UBXN2B: variants seen among roughly 807,000 people sequenced by gnomAD.
UBXN2B encodes the protein UBX domain-containing protein 2B.
Under a neutral mutation model 37.5 loss-of-function variants are expected in UBXN2B, and 19 were observed. That is an observed-to-expected ratio of 0.51 (90% CI 0.35 to 0.74). UBXN2B has a LOEUF of 0.74. Among genes scored for constraint, UBXN2B ranks in the 30% least tolerant of loss-of-function variants. UBXN2B has a pLI of 0.01. For missense variants in UBXN2B, 370 were observed against 393.2 expected (o/e 0.94, Z 0.50); for synonymous variants, 145 against 143.8 (o/e 1.01, Z -0.06).
intron 6 of UBXN2B, among the ~76,000 whole-genome samples, chr8:58,442,687 A>G (rs906463515): frequency 6.6e-6 from 1 of 152,270 alleles, no homozygotes; most frequent in African/African-American, 2.4e-5. Flanking sequence ...AAACTGTATT[A>G]TTGAGTAAAA....
At chr8:58,427,910 A>T (rs1483777979) in intron 2 of UBXN2B, among the ~76,000 whole-genome samples, 3 of 152,200 alleles carry the variant, frequency 2.0e-5, no homozygotes, top group South Asian at 4.1e-4. Context: ...GAGGAAGAAA[A>T]CTCAGTAAAA....
rs1585593519 is a variant in UBXN2B, at chr8:58,416,910, C to A, written c.145C>A (p.Pro49Thr). The change falls in exon 2 of 8, where the codon CCT (proline) becomes ACT (threonine). Residue 49 changes from proline (P) to threonine (T), a missense_variant. Pro to Thr is a conservative substitution (Grantham distance 38). This residue lies in a region of UBXN2B where 197 missense variants were observed against 170.2 expected (regional missense o/e 1.16). Transcript: ENST00000399598. Reference protein sequence around the residue: ...VKCKSSKSNRPKATVFKSPRT... With the variant: ...VKCKSSKSNRTKATVFKSPRT... ...GTGCAAATCTTCCAAGTCTAATAGA[C>A]CTAAAGCCACAGTCTTCAAGAGCCC... is the stretch of plus-strand genomic sequence containing the variant. 1 of 1,612,620 alleles carries A rather than the reference C, an allele frequency of 6.2e-7. No homozygotes were observed. Among genetic ancestry groups the A allele is most frequent in the Non-Finnish European group, 8.5e-7 (1 of 1,178,968 alleles).
rs139443442 is a variant in UBXN2B at position 58,449,607 on chromosome 8, C to T, written c.*2056C>T. 8 of 152,300 alleles carry T rather than the reference C, an allele frequency of 5.3e-5. No individual in the cohort carries two copies. The highest frequency in any genetic ancestry group is 1.4e-4 in the African/African-American group (6 of 41,568). The allele number at this position is 152,300 out of a possible 1,614,324, so 9.4% of individuals were successfully genotyped here. On this transcript the variant is annotated 3_prime_UTR_variant, in exon 8 of 8. Transcript: ENST00000399598. Reference sequence around the variant, plus strand: ...ACAGGCAGACAATAATAGTTACACACGTTCCTGTTCAAAAAGCAGAAACAG... The same window carrying T: ...ACAGGCAGACAATAATAGTTACACATGTTCCTGTTCAAAAAGCAGAAACAG...
chr8:58,434,794 T>A, intron 5 of UBXN2B: 1 of 1,529,026 alleles, frequency 6.5e-7, no homozygotes, highest in South Asian at 1.2e-5. Flanking sequence ...AATGTGATAA[T>A]CAGTGAATTA....
intron 6 of UBXN2B, among the ~76,000 whole-genome samples, chr8:58,444,974 A>G (rs1294035600): frequency 6.6e-6 from 1 of 152,212 alleles, no homozygotes; most frequent in Non-Finnish European, 1.5e-5. Flanking sequence ...TTATACTAGT[A>G]ATATGTAGAT....
chr8:58,413,863 G>C (rs1348201511), intron 1 of UBXN2B, among the ~76,000 whole-genome samples: 1 of 152,116 alleles, frequency 6.6e-6, no homozygotes, highest in African/African-American at 2.4e-5. Context: ...ATTGTTAGTG[G>C]CAAAACTAAG....
At chr8:58,422,722 C>G (rs1438271436) in intron 2 of UBXN2B, among the ~76,000 whole-genome samples, 1 of 152,218 alleles carries the variant, frequency 6.6e-6, no homozygotes, top group Non-Finnish European at 1.5e-5. Context: ...TTCAAAAGCC[C>G]TGAGTCCCTA....
intron 2 of UBXN2B, chr8:58,425,904 C>T: frequency 8.3e-7 from 1 of 1,207,252 alleles, no homozygotes; most frequent in East Asian, 2.3e-5. Context: ...CCTTTGTCAT[C>T]ACTGGTGCGC....
intron 5 of UBXN2B, chr8:58,435,191 G>T (rs989182747): frequency 7.9e-7 from 1 of 1,266,538 alleles, no homozygotes; most frequent in Non-Finnish European, 1.0e-6. Flanking sequence ...TGTAGGAAAG[G>T]ATCAGAGTTT....
At chr8:58,446,883 C>T (rs1022907952) in intron 7 of UBXN2B, among the ~76,000 whole-genome samples, 2 of 135,182 alleles carry the variant, frequency 1.5e-5, no homozygotes, top group Non-Finnish European at 3.1e-5. Flanking sequence ...CTACAAACTC[C>T]GCCTTCCAGA....
rs1007490378 is a variant in UBXN2B at position 58,449,857 on chromosome 8, A to C, written c.*2306A>C. 7 of 152,226 alleles carry C rather than the reference A, an allele frequency of 4.6e-5. No individual in the cohort carries two copies. The highest frequency in any genetic ancestry group is 8.8e-5 in the Non-Finnish European group (6 of 68,044). 9.4% of individuals were successfully genotyped at this position (152,226 alleles called of 1,614,324 possible). A position where few individuals can be genotyped will look rare whatever the true frequency, so the allele number is the denominator to read the frequency against. Reference sequence around the variant, plus strand: ...ATATTCTCTAAAGCTTTCTGTTAAAAATGGTGGTGCTTCTGCTGCTATAAC... The same window carrying C: ...ATATTCTCTAAAGCTTTCTGTTAAACATGGTGGTGCTTCTGCTGCTATAAC... On this transcript the variant is annotated 3_prime_UTR_variant, in exon 8 of 8. Transcript: ENST00000399598.
chr8:58,443,920 T>G (rs1455630010), intron 6 of UBXN2B, among the ~76,000 whole-genome samples: 1 of 152,252 alleles, frequency 6.6e-6, no homozygotes, highest in Non-Finnish European at 1.5e-5. Context: ...AGCATGTCTT[T>G]TAGTCTCTCT....
chr8:58,420,512 T>G (rs906980910), intron 2 of UBXN2B, among the ~76,000 whole-genome samples: 1 of 152,208 alleles, frequency 6.6e-6, no homozygotes, highest in Non-Finnish European at 1.5e-5. Context: ...TTAAAAGATT[T>G]ATCAATAAAA....
intron 2 of UBXN2B, among the ~76,000 whole-genome samples, chr8:58,423,481 G>A (rs1019698341): frequency 6.6e-6 from 1 of 151,386 alleles, no homozygotes; most frequent in African/African-American, 2.4e-5. Flanking sequence ...TGTCGCCCAG[G>A]CTGGAGTGTA....
chr8:58,432,375 C>CGTTT (rs1554552059), intron 3 of UBXN2B, among the ~76,000 whole-genome samples: 54 of 81,500 alleles, frequency 6.6e-4, no homozygotes, highest in Non-Finnish European at 9.6e-4. Context: ...TTCTAAATTT[C>CGTTT]TTTTTTTTTT....
At chr8:58,433,303 T>C (rs1162818460) in intron 4 of UBXN2B, 60 bp downstream of exon 4, 2 of 1,373,250 alleles carry the variant, frequency 1.5e-6, no homozygotes, top group Non-Finnish European at 2.0e-6. Context: ...CTAAAACTGT[T>C]GGTTTTAAAA....
chr8:58,441,774 A>C (rs752143104), intron 6 of UBXN2B, among the ~76,000 whole-genome samples: 12 of 152,228 alleles, frequency 7.9e-5, no homozygotes, highest in Non-Finnish European at 1.3e-4. Context: ...AACTGATGGA[A>C]GAAAGTGACA....
At chr8:58,440,062 G>C (rs1039877262) in intron 6 of UBXN2B, among the ~76,000 whole-genome samples, 1 of 152,124 alleles carries the variant, frequency 6.6e-6, no homozygotes, top group African/African-American at 2.4e-5. Flanking sequence ...ACAGCTCTTT[G>C]ATGTAGATAC....
chr8:58,411,556 G>A, intron 1 of UBXN2B, 87 bp downstream of exon 1: 1 of 1,103,238 alleles, frequency 9.1e-7, no homozygotes, highest in Non-Finnish European at 1.2e-6. Context: ...GCCACCTCTG[G>A]CCTCGGCGGA....
Sources: allele counts gnomAD v4.1 joint callset (sites outside exome capture counted in the v4.1 genomes callset), GRCh38; gene constraint gnomAD v4.1.1; regional missense constraint gnomAD v4.1.1; transcripts MANE v1.5; gene names NCBI Gene and HGNC (gene_info 2026-07-23, HGNC 2026-07-21).